TP73: variants seen among roughly 807,000 people sequenced by gnomAD.
The protein encoded by TP73 is tumor protein p73.
Under a neutral mutation model 62.5 loss-of-function variants are expected in TP73, and 25 were observed. The ratio of observed to expected loss-of-function variants is 0.40; its 90% CI spans 0.29 to 0.56. TP73 has a LOEUF of 0.56. Ranked by LOEUF, TP73 falls within the 20% of genes least tolerant of loss-of-function variation. The pLI is 0.46. For synonymous variants in TP73, 423 were observed against 377.5 expected (o/e 1.12, Z -1.40); for missense variants, 754 against 913.3 (o/e 0.83, Z 2.25).
At chr1:3,692,782 C>T (rs539875087) in intron 3 of TP73, among the ~76,000 whole-genome samples, 74 of 152,220 alleles carry the variant, frequency 4.9e-4, no homozygotes, top group African/African-American at 1.8e-3. Flanking sequence ...GTGACTCACC[C>T]TCTCGGGGGA....
At chr1:3,732,155 C>G (rs759158879) in intron 13 of TP73, among the ~76,000 whole-genome samples, 2 of 152,230 alleles carry the variant, frequency 1.3e-5, no homozygotes, top group Non-Finnish European at 2.9e-5. Context: ...ACCTGCCCCC[C>G]AGCCAGTGCC....
At chr1:3,712,099 A>T (rs6424089) in intron 4 of TP73, 1 of 152,008 alleles carries the variant, frequency 6.6e-6, no homozygotes, top group African/African-American at 2.4e-5. Flanking sequence ...CAACACGATC[A>T]TGGTATCAAT....
At position 3,699,382 on chromosome 1, in the gene TP73, A is replaced by T. The variant is rs918134194; in HGVS notation, c.187-8167A>T. On this transcript the variant is annotated intron_variant, in intron 3 of 13. Transcript: ENST00000378295. This position sits in a 1 kb window ranked among gnomAD's most constrained non-coding sequence, Gnocchi z 4.1. The stretch of plus-strand genomic sequence containing the variant: ...CGGCATACTCTCAAAAAACCACAAC[A>T]GTCTGGTCTCAATATTCTCCAGGGA... Among the ~76,000 whole-genome samples the T allele has an allele frequency of 2.0e-5, 3 of 152,116 alleles. No homozygotes were observed. The highest frequency in any genetic ancestry group is 7.2e-5 in the African/African-American group (3 of 41,394).
chr1:3,732,832 G>A lies in TP73; in HGVS notation c.1664G>A (p.Ser555Asn), dbSNP rs567801920. Reference protein sequence around the residue: ...LQDLKQGHDYSTAQQLLRSSN... With the variant: ...LQDLKQGHDYNTAQQLLRSSN... ...GACCTGAAGCAGGGCCACGACTACA[G>A]CACCGCGCAGCAGCTGCTCCGCTCT... is the stretch of plus-strand genomic sequence containing the variant. Residue 555 changes from serine (S) to asparagine (N), a missense_variant, in exon 14 of 14, where the codon AGC (serine) becomes AAC (asparagine). This residue lies in a region of TP73 where 458 missense variants were observed against 528.7 expected (regional missense o/e 0.87). Coordinates refer to ENST00000378295, the MANE Select transcript of TP73 (RefSeq NM_005427.4). 6.2e-7 allele frequency: 1 copy of A among 1,611,792 alleles called. No individual in the cohort carries two copies. The highest frequency in any genetic ancestry group is 1.3e-5 in the African/African-American group (1 of 75,028).
chr1:3,731,702 C>CT (rs1433222413), intron 13 of TP73, 146 bp downstream of exon 13: 1 of 744,448 alleles, frequency 1.3e-6, no homozygotes, highest in Non-Finnish European at 2.2e-6. Context: ...TGATTTGACT[C>CT]TTGAGAGCTT....
At chr1:3,669,207 C>G (rs1489728914) in intron 1 of TP73, among the ~76,000 whole-genome samples, 1 of 152,202 alleles carries the variant, frequency 6.6e-6, no homozygotes. Context: ...CGGCCTGAGT[C>G]GGGGGGAGTC....
At chr1:3,667,053 C>T (rs751243503) in intron 1 of TP73, among the ~76,000 whole-genome samples, 11 of 152,134 alleles carry the variant, frequency 7.2e-5, no homozygotes, top group African/African-American at 2.4e-4. Flanking sequence ...AGAGAGGGAG[C>T]TGATGATGGA....
intron 1 of TP73, among the ~76,000 whole-genome samples, chr1:3,668,256 G>A (rs570126213): frequency 3.3e-5 from 5 of 152,170 alleles, no homozygotes; most frequent in East Asian, 1.9e-4. Context: ...ACCCGGCTGC[G>A]ATGAGGGGCC....
At chr1:3,690,603 C>T in intron 3 of TP73, 1 of 1,276,636 alleles carries the variant, frequency 7.8e-7, no homozygotes, top group Non-Finnish European at 1.0e-6. Context: ...ACCGGGCAAG[C>T]TGAGGCCTGC....
intron 1 of TP73, among the ~76,000 whole-genome samples, chr1:3,664,756 C>T (rs1368082157): frequency 1.3e-5 from 2 of 152,222 alleles, no homozygotes; most frequent in African/African-American, 4.8e-5. Context: ...TGGGAGGCCT[C>T]GGCTGGGCCT....
intron 9 of TP73, among the ~76,000 whole-genome samples, chr1:3,728,645 T>A (rs1343880245): frequency 1.3e-5 from 2 of 152,224 alleles, no homozygotes; most frequent in Non-Finnish European, 2.9e-5. Flanking sequence ...CTGGGAGTCA[T>A]CTTCCATGAT....
At chr1:3,705,908 C>G (rs956652751) in intron 3 of TP73, among the ~76,000 whole-genome samples, 21 of 152,228 alleles carry the variant, frequency 1.4e-4, no homozygotes, top group African/African-American at 5.1e-4. Context: ...CTCTGGGTCA[C>G]TAAACCCAAC....
intron 1 of TP73, among the ~76,000 whole-genome samples, chr1:3,657,288 C>T (rs376077463): frequency 5.3e-5 from 8 of 152,274 alleles, no homozygotes; most frequent in Non-Finnish European, 1.2e-4. Flanking sequence ...TGGGGGCTGC[C>T]GGCCATCCTG....
chr1:3,684,055 T>C (rs1258385863), intron 3 of TP73, among the ~76,000 whole-genome samples: 1 of 152,196 alleles, frequency 6.6e-6, no homozygotes, highest in Non-Finnish European at 1.5e-5. Flanking sequence ...CGCTCCTGCC[T>C]ACCTCTCTGG....
intron 1 of TP73, among the ~76,000 whole-genome samples, chr1:3,669,992 C>T (rs1356018538): frequency 2.0e-5 from 3 of 152,170 alleles, no homozygotes; most frequent in African/African-American, 7.2e-5. Flanking sequence ...ACCAGCTCCT[C>T]CCTGAAGCCT....
chr1:3,723,523 G>T, intron 6 of TP73, 54 bp downstream of exon 6: 1 of 883,932 alleles, frequency 1.1e-6, no homozygotes, highest in South Asian at 1.3e-5. Context: ...GTACGGGTCG[G>T]GGGAGGGGTC....
At chr1:3,652,903 C>G (rs1014988169) in intron 1 of TP73, 2 of 152,320 alleles carry the variant, frequency 1.3e-5, no homozygotes, top group Non-Finnish European at 2.9e-5. Flanking sequence ...GCCTTTGGCG[C>G]CAAAGACAGC....
In TP73 at chr1:3,735,970, C is replaced by T. The variant is rs180937494; in HGVS notation, c.*2891C>T. 27 of 152,360 alleles carry T rather than the reference C, an allele frequency of 1.8e-4. No homozygotes were observed. The highest frequency in any genetic ancestry group is 1.4e-3 in the Admixed American group (21 of 15,310). 9.4% of individuals were successfully genotyped at this position (152,360 alleles called of 1,614,324 possible). A position where few individuals can be genotyped will look rare whatever the true frequency, so the allele number is the denominator to read the frequency against. On this transcript the variant is annotated 3_prime_UTR_variant, in exon 14 of 14. Transcript: ENST00000378295. ...ACAGTCAGTGTCTCCAACGCACAAA[C>T]ATCCACTCCTCTGTTACCAGTTAAA...
At chr1:3,668,648 A>G (rs1192923873) in intron 1 of TP73, 1 of 152,070 alleles carries the variant, frequency 6.6e-6, no homozygotes, top group Non-Finnish European at 1.5e-5. Context: ...GTACTGGTGT[A>G]TTACGGATGA....
Sources: gnomAD v4.1 joint callset for allele counts (sites outside exome capture counted in the v4.1 genomes callset) on GRCh38, gnomAD v4.1.1 for gene constraint, gnomAD v4.1.1 regional missense constraint, Gnocchi (gnomAD v3.1) non-coding constraint, MANE v1.5 for transcripts, NCBI Gene and HGNC (gene_info 2026-07-23, HGNC 2026-07-21) for gene names.